Variants in SLCO5A1 observed in about 807,000 individuals in gnomAD.
The protein encoded by SLCO5A1 is organic anion transporter polypeptide-related protein 4.
Under a neutral mutation model 65.1 loss-of-function variants are expected in SLCO5A1, and 39 were observed. The observed-to-expected ratio is 0.60, with a 90% CI of 0.46 to 0.78. SLCO5A1 has a LOEUF of 0.78. Ranked by LOEUF, SLCO5A1 falls within the 30% of genes least tolerant of loss-of-function variation. SLCO5A1 has a pLI of 0.00. For synonymous variants in SLCO5A1, 438 were observed against 415.7 expected (o/e 1.05, Z -0.65); for missense variants, 1,029 against 1,069.4 (o/e 0.96, Z 0.53).
At chr8:69,693,725 A>G (rs1814372375) in intron 6 of SLCO5A1, among the ~76,000 whole-genome samples, 1 of 152,222 alleles carries the variant, frequency 6.6e-6, no homozygotes, top group Non-Finnish European at 1.5e-5. Context: ...CAATTTATGA[A>G]TTTTATCCCA....
intron 6 of SLCO5A1, among the ~76,000 whole-genome samples, chr8:69,699,628 G>C (rs1413444695): frequency 2.0e-5 from 3 of 152,142 alleles, no homozygotes. Context: ...AGGATCACCA[G>C]AAATTTGAGC....
At position 69,669,156 on chromosome 8, in the gene SLCO5A1, T is replaced by C. The variant is rs1014877723; in HGVS notation, c.*3713A>G. The C allele has an allele frequency of 2.0e-5, 3 of 152,218 alleles. No homozygotes were observed. Among genetic ancestry groups the C allele is most frequent in the African/African-American group, 4.8e-5 (2 of 41,456 alleles). The allele number at this position is 152,218 out of a possible 1,614,324, so 9.4% of individuals were successfully genotyped here. A position where few individuals can be genotyped will look rare whatever the true frequency, so the allele number is the denominator to read the frequency against. On this transcript the variant is annotated 3_prime_UTR_variant, in exon 10 of 10. Transcript: ENST00000260126. ...GAACTATAAATAAATATTTGAGGTA[T>C]GTTATGACAAATAACTTTAATATAA...
intron 2 of SLCO5A1, among the ~76,000 whole-genome samples, chr8:69,813,096 G>C (rs557063262): frequency 1.3e-5 from 2 of 152,032 alleles, no homozygotes; most frequent in Non-Finnish European, 1.5e-5. Context: ...TTGTTGGTCC[G>C]TCATTACACA....
At chr8:69,679,744 T>C in intron 7 of SLCO5A1, 125 bp from the exon 8 acceptor site, 3 of 1,359,980 alleles carry the variant, frequency 2.2e-6, no homozygotes, top group Non-Finnish European at 3.0e-6. Context: ...ACACAAAATA[T>C]TTCATTGAAA....
intron 4 of SLCO5A1, among the ~76,000 whole-genome samples, chr8:69,742,492 T>C (rs1360250757): frequency 6.6e-6 from 1 of 152,160 alleles, no homozygotes; most frequent in Non-Finnish European, 1.5e-5. Flanking sequence ...CCTTAAACAG[T>C]AGTAAAGTAG....
intron 4 of SLCO5A1, among the ~76,000 whole-genome samples, chr8:69,745,169 A>G (rs1399609205): frequency 1.3e-5 from 2 of 152,196 alleles, no homozygotes; most frequent in Non-Finnish European, 2.9e-5. Context: ...TCAAGATTCA[A>G]AATCATAATT....
In SLCO5A1 at chr8:69,699,845, G is replaced by A. The variant is rs574126196; in HGVS notation, c.1622+5186C>T. 5.9e-5 allele frequency among the ~76,000 whole-genome samples: 9 copies of A among 152,346 alleles called. No individual in the cohort carries two copies. In the South Asian group the frequency reaches 1.9e-3, roughly 32 times the overall value. ...CAATTAAAAATATGATAGGCTGGGTGAGGTGGCTCACGCCTGTAATCCCAG... is the reference window on the plus strand; with the variant it reads ...CAATTAAAAATATGATAGGCTGGGTAAGGTGGCTCACGCCTGTAATCCCAG... On this transcript the variant is annotated intron_variant, in intron 6 of 9. Transcript: ENST00000260126.
At position 69,673,262 on chromosome 8, in the gene SLCO5A1, C is replaced by G; in HGVS notation, c.2154G>C (p.Gln718His). The G allele has an allele frequency of 6.2e-7, 1 of 1,614,242 alleles. No individual in the cohort carries two copies. Among genetic ancestry groups the G allele is most frequent in the Non-Finnish European group, 8.5e-7 (1 of 1,180,046 alleles). Residue 718 changes from glutamine to histidine, a missense_variant, in exon 10 of 10, where the codon CAG (glutamine) becomes CAC (histidine). Transcript: ENST00000260126. Reference protein sequence around the residue: ...VIDTTCMLWQQECGVQGSCWE... With the variant: ...VIDTTCMLWQHECGVQGSCWE... ...AGCAAGAACCCTGCACACCACATTC[C>G]TGTTGCCAGAGCATGCAGGTGGTGT...
rs1464406950 is a variant in SLCO5A1 at position 69,816,287 on chromosome 8, C to T, written c.907+15480G>A. ...CTCCAAGTTGTGACAATAAAAATTA[C>T]TCTAGACATTGCCAAATGTCTCCAG... On this transcript the variant is annotated intron_variant, in intron 2 of 9. Transcript: ENST00000260126. Among the ~76,000 whole-genome samples, 6 of 152,286 alleles carry T rather than the reference C, an allele frequency of 3.9e-5. No individual in the cohort carries two copies. The East Asian group carries it at 1.2e-3, about 29-fold the overall frequency.
intron 2 of SLCO5A1, among the ~76,000 whole-genome samples, chr8:69,770,406 G>A (rs974882539): frequency 6.6e-6 from 1 of 152,132 alleles, no homozygotes; most frequent in Non-Finnish European, 1.5e-5. Flanking sequence ...ACTAGCCAGA[G>A]CAACATAGTG....
chr8:69,826,843 C>T (rs1361757930), intron 2 of SLCO5A1, among the ~76,000 whole-genome samples: 2 of 152,072 alleles, frequency 1.3e-5, no homozygotes, highest in Non-Finnish European at 2.9e-5. Context: ...AAGACACATG[C>T]ACATGTATGT....
At chr8:69,749,349 T>C (rs1023983627) in intron 4 of SLCO5A1, among the ~76,000 whole-genome samples, 3 of 152,210 alleles carry the variant, frequency 2.0e-5, no homozygotes, top group African/African-American at 7.2e-5. Context: ...CCGGGCGCAG[T>C]GGCTCACACC....
rs778613487 is a variant in SLCO5A1, at chr8:69,832,122, G to A, written c.552C>T (p.Phe184=). 63 of 1,613,976 alleles carry A rather than the reference G, an allele frequency of 3.9e-5. No individual in the cohort carries two copies. In the South Asian group the frequency reaches 6.1e-4, roughly 16 times the overall value. ...FDIGNLVVVV[F]VSYFGGRGRR... is the part of the protein sequence containing the mutation. The stretch of plus-strand genomic sequence containing the variant: ...GACCCCGGCCGCCGAAGTAGCTGAC[G>A]AACACCACCACCACCAGGTTCCCGA... The change falls in exon 2 of 10, where the codon TTC becomes TTT. Residue 184 remains phenylalanine, a synonymous_variant. Coordinates refer to ENST00000260126, the MANE Select transcript of SLCO5A1 (RefSeq NM_030958.3). The surrounding 1 kb of genome is among the most constrained non-coding windows in gnomAD (Gnocchi z 4.5).
intron 3 of SLCO5A1, among the ~76,000 whole-genome samples, chr8:69,756,108 A>G (rs886990921): frequency 6.6e-6 from 1 of 152,144 alleles, no homozygotes; most frequent in African/African-American, 2.4e-5. Context: ...ATATTCAAAT[A>G]TTTTTCTGCA....
At chr8:69,702,503 T>C (rs1242708328) in intron 6 of SLCO5A1, among the ~76,000 whole-genome samples, 1 of 138,294 alleles carries the variant, frequency 7.2e-6, no homozygotes, top group Non-Finnish European at 1.6e-5. Flanking sequence ...TACACACATC[T>C]TACACACACA....
chr8:69,717,382 A>G (rs541142491), intron 5 of SLCO5A1, among the ~76,000 whole-genome samples: 1 of 152,206 alleles, frequency 6.6e-6, no homozygotes, highest in Admixed American at 6.5e-5. Flanking sequence ...TAGCCTTGGC[A>G]CTCTTGTCAA....
intron 5 of SLCO5A1, among the ~76,000 whole-genome samples, chr8:69,705,743 G>T (rs1814942067): frequency 6.6e-6 from 1 of 152,172 alleles, no homozygotes; most frequent in African/African-American, 2.4e-5. Flanking sequence ...AAACCACAGT[G>T]AAATACCACT....
chr8:69,690,821 C>T (rs1472925546), intron 6 of SLCO5A1, among the ~76,000 whole-genome samples: 1 of 152,138 alleles, frequency 6.6e-6, no homozygotes, highest in Non-Finnish European at 1.5e-5. Context: ...AGAATCACCC[C>T]TGGAGAAGTT....
chr8:69,832,539 G>A lies in SLCO5A1; in HGVS notation c.135C>T (p.Ser45=). The change falls in exon 2 of 10, where the codon TCC becomes TCT. Residue 45 remains serine, a synonymous_variant. Transcript: ENST00000260126. The surrounding 1 kb of genome is among the most constrained non-coding windows in gnomAD (Gnocchi z 4.5). ...SKSLPVLSSA[S]CRPSLSPTSG... ...TAGTGGGACTGAGGCTTGGCCGGCA[G>A]GAGGCGCTGCTGAGGACCGGTAAAC... is the stretch of plus-strand genomic sequence containing the variant. 3.7e-6 allele frequency: 6 copies of A among 1,608,388 alleles called. No homozygotes were observed. Among genetic ancestry groups the A allele is most frequent in the Non-Finnish European group, 5.1e-6 (6 of 1,177,582 alleles).
Sources: gnomAD v4.1 joint callset for allele counts (sites outside exome capture counted in the v4.1 genomes callset) on GRCh38, gnomAD v4.1.1 for gene constraint, Gnocchi (gnomAD v3.1) non-coding constraint, MANE v1.5 for transcripts, NCBI Gene and HGNC (gene_info 2026-07-23, HGNC 2026-07-21) for gene names.